The following FLT1 variants were observed in gnomAD, a reference collection of about 807,000 sequenced individuals.
FLT1 encodes fms related receptor tyrosine kinase 1, also known as vascular endothelial growth factor receptor 1.
FLT1 carries 49 observed loss-of-function variants against 156.3 expected under a neutral mutation model. The ratio of observed to expected loss-of-function variants is 0.31; its 90% CI spans 0.25 to 0.40. The LOEUF is 0.40. Ranked by LOEUF, FLT1 falls within the 10% of genes least tolerant of loss-of-function variation. The pLI is 1.00. For synonymous variants in FLT1, 594 were observed against 583.8 expected, an observed-to-expected ratio of 1.02 and a Z score of -0.25; for missense variants, 1,322 against 1,637.2, an observed-to-expected ratio of 0.81 and a Z score of 3.32.
At chr13:28,319,629 G>C in intron 23 of FLT1, 95 bp from the exon 24 acceptor site, 1 of 737,244 alleles carries the variant, frequency 1.4e-6, no homozygotes, top group Non-Finnish European at 2.5e-6. Context: ...ATAACATACG[G>C]CCTATAAATC....
intron 4 of FLT1, among the ~76,000 whole-genome samples, chr13:28,437,082 T>C (rs1462740361): frequency 6.6e-6 from 1 of 152,200 alleles, no homozygotes; most frequent in Non-Finnish European, 1.5e-5. Flanking sequence ...ATGCCCAGTA[T>C]GACCTGCGAA....
At chr13:28,362,005 C>T (rs1277330214) in intron 14 of FLT1, among the ~76,000 whole-genome samples, 1 of 152,178 alleles carries the variant, frequency 6.6e-6, no homozygotes, top group Non-Finnish European at 1.5e-5. Flanking sequence ...AAGTCCTGCT[C>T]ATCAGTTGTA....
chr13:28,342,589 T>C (rs535391081), intron 16 of FLT1, among the ~76,000 whole-genome samples: 1 of 152,310 alleles, frequency 6.6e-6, no homozygotes, highest in South Asian at 2.1e-4. Flanking sequence ...TTGTCTCTCA[T>C]ACCAGCACTA....
chr13:28,443,638 A>G (rs1271330830), intron 3 of FLT1, among the ~76,000 whole-genome samples: 1 of 152,222 alleles, frequency 6.6e-6, no homozygotes, highest in Non-Finnish European at 1.5e-5. Flanking sequence ...TTTACTGAAG[A>G]TGAAGGGGAG....
At chr13:28,390,249 C>T (rs1241960682) in intron 12 of FLT1, 145 bp from the exon 13 acceptor site, 1 of 1,067,256 alleles carries the variant, frequency 9.4e-7, no homozygotes, top group African/African-American at 1.6e-5. Context: ...AATGAGCAAA[C>T]ACAGCAGGTG....
At chr13:28,448,736 G>A (rs549115997) in intron 3 of FLT1, among the ~76,000 whole-genome samples, 1 of 152,242 alleles carries the variant, frequency 6.6e-6, no homozygotes, top group South Asian at 2.1e-4. Flanking sequence ...TTTTAAATGG[G>A]TGTGGTATGT....
At chr13:28,453,192 C>T (rs908446520) in intron 3 of FLT1, among the ~76,000 whole-genome samples, 7 of 150,034 alleles carry the variant, frequency 4.7e-5, no homozygotes, top group Non-Finnish European at 1.0e-4. Context: ...GCTGCCATCT[C>T]AGCTCACTGC....
chr13:28,472,911 A>G (rs1289953458), intron 1 of FLT1, among the ~76,000 whole-genome samples: 1 of 152,208 alleles, frequency 6.6e-6, no homozygotes, highest in Admixed American at 6.5e-5. Context: ...TAGTAAAAAG[A>G]CAACAGCCTA....
intron 19 of FLT1, among the ~76,000 whole-genome samples, 164 bp from the exon 20 acceptor site, chr13:28,327,714 C>G (rs1871742417): frequency 7.6e-6 from 1 of 131,412 alleles, no homozygotes. Flanking sequence ...GTGACTTTTT[C>G]AGTTTAACCT....
intron 10 of FLT1, among the ~76,000 whole-genome samples, chr13:28,415,524 A>G (rs1288198391): frequency 1.3e-5 from 2 of 152,126 alleles, no homozygotes; most frequent in African/African-American, 4.8e-5. Flanking sequence ...ATTCAACTAA[A>G]ACAGAGTTTG....
rs528410639 is a variant in FLT1 at position 28,489,792 on chromosome 13, T to C, written c.64+4988A>G. On this transcript the variant is annotated intron_variant, in intron 1 of 29. Transcript: ENST00000282397. The stretch of plus-strand genomic sequence containing the variant: ...AAGCTAGTACCATAAGCCACAAGTA[T>C]GTAAGCCACAGCTGTTCAGGAAAAG... 3.7e-4 allele frequency among the ~76,000 whole-genome samples: 56 copies of C among 152,298 alleles called. No individual in the cohort carries two copies. In the Middle Eastern group the frequency reaches 0.017, roughly 46 times the overall value.
rs1232024252 is a variant in FLT1, at chr13:28,467,555, T to C, written c.127A>G (p.Met43Val). The C allele has an allele frequency of 1.2e-6, 2 of 1,611,592 alleles. No individual in the cohort carries two copies. The highest frequency in any genetic ancestry group is 4.5e-5 in the East Asian group (2 of 44,866). The change falls in exon 2 of 30, where the codon ATG becomes GTG. Residue 43 changes from methionine to valine, a missense_variant. Physicochemically the swap from Met to Val is conservative, Grantham distance 21. Transcript: ENST00000282397. ...AGATGCAGTGTCTGGCCTGCTTGCA[T>C]GATGTGCTGGGTGCCTTTTAAACTC... ...ELSLKGTQHI[M>V]QAGQTLHLQC...
intron 16 of FLT1, among the ~76,000 whole-genome samples, chr13:28,344,521 C>T (rs1872485489): frequency 6.6e-6 from 1 of 152,226 alleles, no homozygotes; most frequent in African/African-American, 2.4e-5. Context: ...GGGTCTTGCA[C>T]AGGGCCTGGC....
chr13:28,321,634 C>A, intron 22 of FLT1, 49 bp from the exon 23 acceptor site: 6 of 1,592,902 alleles, frequency 3.8e-6, no homozygotes, highest in South Asian at 1.1e-5. Flanking sequence ...ACCTAACCAA[C>A]TAATTTCCTA....
chr13:28,460,666 AC>A (rs1292220773), intron 3 of FLT1, among the ~76,000 whole-genome samples: 3 of 31,090 alleles, frequency 9.6e-5, no homozygotes, highest in Non-Finnish European at 1.5e-4. Flanking sequence ...CCCCCACCCC[AC>A]CCCCCCAAAA....
rs181526862 is a variant in FLT1, at chr13:28,439,594, C to G, written c.389-1249G>C. Among the ~76,000 whole-genome samples the G allele has an allele frequency of 3.9e-5, 6 of 152,320 alleles. No homozygotes were observed. The East Asian group carries it at 1.2e-3, about 29-fold the overall frequency. ...ACCTCATTTGAAAACAGGATTGTTG[C>G]AAATGTAATTGCTTAAGCTAAGTAA... On this transcript the variant is annotated intron_variant, in intron 3 of 29. Transcript: ENST00000282397. The surrounding 1 kb of genome is among the most constrained non-coding windows in gnomAD (Gnocchi z 4.1).
chr13:28,388,899 C>T (rs1410217964), intron 13 of FLT1: 1 of 1,064,174 alleles, frequency 9.4e-7, no homozygotes, highest in Non-Finnish European at 1.1e-6. Flanking sequence ...CACTTTCTTT[C>T]AGCTGCCATC....
At chr13:28,488,800 C>T (rs1340628588) in intron 1 of FLT1, among the ~76,000 whole-genome samples, 1 of 152,192 alleles carries the variant, frequency 6.6e-6, no homozygotes, top group Non-Finnish European at 1.5e-5. Context: ...CAGTGTGGTC[C>T]TGTAACCAAG....
At chr13:28,400,301 C>A (rs760109102) in intron 11 of FLT1, among the ~76,000 whole-genome samples, 3 of 152,144 alleles carry the variant, frequency 2.0e-5, no homozygotes, top group Non-Finnish European at 4.4e-5. Context: ...GCAAGCTGCT[C>A]TTCAACTGTT....
Sources: gnomAD v4.1 joint callset for allele counts (sites outside exome capture counted in the v4.1 genomes callset) on GRCh38, gnomAD v4.1.1 for gene constraint, Gnocchi (gnomAD v3.1) non-coding constraint, MANE v1.5 for transcripts, NCBI Gene and HGNC (gene_info 2026-07-23, HGNC 2026-07-21) for gene names.